The following ANKFN1 variants were observed in gnomAD, a reference collection of about 807,000 sequenced individuals.
ANKFN1 encodes ankyrin repeat and fibronectin type-III domain-containing protein 1.
Under a neutral mutation model 108.7 loss-of-function variants are expected in ANKFN1, and 74 were observed. The ratio of observed to expected loss-of-function variants is 0.68; its 90% CI spans 0.56 to 0.83. The LOEUF is 0.83. Ranked by LOEUF, ANKFN1 falls within the 40% of genes least tolerant of loss-of-function variation. The probability of loss-of-function intolerance (pLI) is 0.00; values close to 1 mark genes in which losing one functional copy is unlikely to be tolerated. For missense variants in ANKFN1, 1,505 were observed against 1,382.3 expected (o/e 1.09, Z -1.41); for synonymous variants, 547 against 516.2 (o/e 1.06, Z -0.81).
intron 8 of ANKFN1, among the ~76,000 whole-genome samples, chr17:56,416,455 G>A (rs1014116085): frequency 1.3e-5 from 2 of 152,124 alleles, no homozygotes; most frequent in South Asian, 2.1e-4. Context: ...ATTAAAAGGC[G>A]CTCAACATCA....
chr17:56,148,038 A>G (rs1460583773), intron 4 of ANKFN1, among the ~76,000 whole-genome samples: 1 of 152,208 alleles, frequency 6.6e-6, no homozygotes, highest in Non-Finnish European at 1.5e-5. Context: ...AGAAACTGAG[A>G]CTTATCCAGA....
intron 8 of ANKFN1, among the ~76,000 whole-genome samples, chr17:56,404,742 T>C (rs2047866833): frequency 6.6e-6 from 1 of 152,168 alleles, no homozygotes; most frequent in African/African-American, 2.4e-5. Context: ...CCTTGTTTTG[T>C]CATATTACTA....
At chr17:56,441,113 T>C (rs2049088788) in intron 9 of ANKFN1, among the ~76,000 whole-genome samples, 1 of 152,170 alleles carries the variant, frequency 6.6e-6, no homozygotes, top group South Asian at 2.1e-4. Context: ...CAGTTCAAAC[T>C]GGAGCAAACC....
chr17:56,101,057 C>T (rs1905637681), intron 4 of ANKFN1, among the ~76,000 whole-genome samples: 1 of 152,050 alleles, frequency 6.6e-6, no homozygotes, highest in Non-Finnish European at 1.5e-5. Context: ...CACCTGCACC[C>T]CCACTTTCTG....
At position 56,353,882 on chromosome 17, in the gene ANKFN1, A is replaced by G; in HGVS notation, c.437A>G (p.Asp146Gly). 1 of 1,614,020 alleles carries G rather than the reference A, an allele frequency of 6.2e-7. No individual in the cohort carries two copies. Among genetic ancestry groups the G allele is most frequent in the South Asian group, 1.1e-5 (1 of 91,090 alleles). Reference protein sequence around the residue: ...EAMFEAVEQQDMDAVQILLYQ... With the variant: ...EAMFEAVEQQGMDAVQILLYQ... Reference sequence around the variant, plus strand: ...ATGTTTGAGGCAGTCGAACAGCAGGACATGGATGCTGTGCAGATCCTCCTG... The same window carrying G: ...ATGTTTGAGGCAGTCGAACAGCAGGGCATGGATGCTGTGCAGATCCTCCTG... Residue 146 changes from aspartate (D) to glycine (G), a missense_variant, in exon 6 of 21, where the codon GAC (aspartate) becomes GGC (glycine). Coordinates refer to ENST00000682825, the MANE Select transcript of ANKFN1 (RefSeq NM_001370326.1).
At chr17:56,401,040 T>C (rs1792612580) in intron 8 of ANKFN1, among the ~76,000 whole-genome samples, 1 of 152,188 alleles carries the variant, frequency 6.6e-6, no homozygotes, top group South Asian at 2.1e-4. Flanking sequence ...AGATTTATTC[T>C]TTTTGCTTAG....
chr17:56,098,668 G>C (rs1376524080), intron 4 of ANKFN1, among the ~76,000 whole-genome samples: 1 of 152,172 alleles, frequency 6.6e-6, no homozygotes, highest in Non-Finnish European at 1.5e-5. Context: ...TACTTATTGA[G>C]TAAATGAATG....
Position 56,137,641 on chromosome 17 carries a change from C to T in ANKFN1, c.289-90276C>T, listed in dbSNP as rs148090982. 1.8e-4 allele frequency among the ~76,000 whole-genome samples: 28 copies of T among 151,892 alleles called. No homozygotes were observed. In the East Asian group the frequency reaches 3.9e-3, roughly 21 times the overall value. On this transcript the variant is annotated intron_variant, in intron 4 of 12. Coordinates refer to the ANKFN1 transcript ENST00000635860. The stretch of plus-strand genomic sequence containing the variant: ...TATACTAGTATAAAAACCTACCGAT[C>T]GGAGAGGGGAAATAAAGTAAAAATC...
At chr17:56,086,809 C>T (rs902956068) in intron 4 of ANKFN1, among the ~76,000 whole-genome samples, 1 of 151,386 alleles carries the variant, frequency 6.6e-6, no homozygotes, top group Non-Finnish European at 1.5e-5. Flanking sequence ...CAGGTTCACA[C>T]TACTCCTGAA....
In ANKFN1 at chr17:56,372,634, C is replaced by A. The variant is rs373324221; in HGVS notation, c.602-12C>A. On this transcript the variant is annotated splice_polypyrimidine_tract_variant and intron_variant, in intron 6 of 20. Coordinates refer to ENST00000682825, the MANE Select transcript of ANKFN1 (RefSeq NM_001370326.1). ...GAAAGAAAGAGAAGTAATCCCATTT[C>A]TTTCCCTTTAGTTGTCAGCCTGGAA... 65 of 1,602,618 alleles carry A rather than the reference C, an allele frequency of 4.1e-5. No homozygotes were observed. The Middle Eastern group carries it at 5.8e-4, about 14-fold the overall frequency.
rs1173193219 is a variant in ANKFN1, at chr17:56,513,904, T to C, written c.*2635T>C. Among the ~76,000 whole-genome samples, 1 of 152,240 alleles carries C rather than the reference T, an allele frequency of 6.6e-6. No individual in the cohort carries two copies. Among genetic ancestry groups the C allele is most frequent in the African/African-American group, 2.4e-5 (1 of 41,466 alleles). On this transcript the variant is annotated 3_prime_UTR_variant, in exon 21 of 21. Transcript: ENST00000682825. ...GCTATTATTCAGGTAGGTTTCCCCA[T>C]ACCTTCACTTTGCAATATTTTGTGA...
At position 56,516,104 on chromosome 17, in the gene ANKFN1, C is replaced by T. The variant is rs2051908411; in HGVS notation, c.*4835C>T. On this transcript the variant is annotated 3_prime_UTR_variant, in exon 21 of 21. Coordinates refer to ENST00000682825, the MANE Select transcript of ANKFN1 (RefSeq NM_001370326.1). ...TGAATATACTTTCACAGTAATCACC[C>T]TCCAGTGACTGATTTTCAAAAGCCA... is the stretch of plus-strand genomic sequence containing the variant. Among the ~76,000 whole-genome samples, 4 of 152,158 alleles carry T rather than the reference C, an allele frequency of 2.6e-5. No homozygotes were observed. In the South Asian group the frequency reaches 8.3e-4, roughly 32 times the overall value.
chr17:56,487,781 TTACA>T (rs1274788269), intron 18 of ANKFN1, among the ~76,000 whole-genome samples: 1 of 152,190 alleles, frequency 6.6e-6, no homozygotes, highest in African/African-American at 2.4e-5. Context: ...TAATTCTTCC[TTACA>T]GAGATAATAC....
At chr17:56,182,581 G>A (rs1911791136) in intron 1 of ANKFN1, among the ~76,000 whole-genome samples, 1 of 152,166 alleles carries the variant, frequency 6.6e-6, no homozygotes, top group African/African-American at 2.4e-5. Context: ...TGGTTCATGA[G>A]GTTTAAGTAA....
chr17:56,366,586 T>C (rs2046669039), intron 6 of ANKFN1, among the ~76,000 whole-genome samples: 1 of 152,198 alleles, frequency 6.6e-6, no homozygotes, highest in Admixed American at 6.5e-5. Flanking sequence ...TGTTTTATCC[T>C]TTATGCCATA....
At chr17:56,199,993 A>G (rs1913901075) in intron 1 of ANKFN1, among the ~76,000 whole-genome samples, 1 of 152,138 alleles carries the variant, frequency 6.6e-6, no homozygotes, top group Non-Finnish European at 1.5e-5. Flanking sequence ...TGATATGTTC[A>G]TTTGCTACTT....
intron 10 of ANKFN1, among the ~76,000 whole-genome samples, chr17:56,446,487 G>T (rs948280408): frequency 3.3e-5 from 5 of 152,114 alleles, no homozygotes; most frequent in Non-Finnish European, 7.4e-5. Flanking sequence ...AAACATTTTT[G>T]AACTTTCCAG....
intron 1 of ANKFN1, among the ~76,000 whole-genome samples, chr17:56,173,151 C>T (rs1284763753): frequency 6.6e-6 from 1 of 152,204 alleles, no homozygotes; most frequent in Non-Finnish European, 1.5e-5. Context: ...CCTCAAATGT[C>T]AGCTTGCCTG....
chr17:56,090,949 G>A (rs920330950), intron 4 of ANKFN1, among the ~76,000 whole-genome samples: 2 of 151,084 alleles, frequency 1.3e-5, no homozygotes, highest in Non-Finnish European at 3.0e-5. Flanking sequence ...CAATACCAAC[G>A]TGGTGTTTGC....
Sources: allele counts gnomAD v4.1 joint callset (sites outside exome capture counted in the v4.1 genomes callset), GRCh38; gene constraint gnomAD v4.1.1; transcripts MANE v1.5; gene names NCBI Gene and HGNC (gene_info 2026-07-23, HGNC 2026-07-21).